The following RPS6KC1 variants were observed in gnomAD, a reference collection of about 807,000 sequenced individuals.
RPS6KC1 encodes ribosomal protein S6 kinase C1.
Under a neutral mutation model 103.8 loss-of-function variants are expected in RPS6KC1, and 54 were observed. That is an observed-to-expected ratio of 0.52 (90% CI 0.42 to 0.65). The LOEUF (loss-of-function observed/expected upper bound fraction) is 0.65, where lower values mean the gene tolerates loss of function less well. Among genes scored for constraint, RPS6KC1 ranks in the 30% least tolerant of loss-of-function variants. RPS6KC1 has a pLI of 0.00. For missense variants in RPS6KC1, 1,151 were observed against 1,253.8 expected (o/e 0.92, Z 1.24); for synonymous variants, 439 against 438.7 (o/e 1.00, Z -0.01).
At chr1:213,476,139 C>T in the RPS6KC1 span, among the ~76,000 whole-genome samples, 1 of 152,124 alleles carries the variant, frequency 6.6e-6, no homozygotes, top group Admixed American at 6.5e-5. Flanking sequence ...AGAAGCAGAC[C>T]TCACTTTCTG....
At chr1:213,095,878 C>T (rs1403719871) in intron 3 of RPS6KC1, among the ~76,000 whole-genome samples, 1 of 152,206 alleles carries the variant, frequency 6.6e-6, no homozygotes, top group Non-Finnish European at 1.5e-5. Flanking sequence ...CGTCTTGTCT[C>T]CATGTTGATG....
chr1:213,236,228 A>G (rs1017414047), intron 10 of RPS6KC1, among the ~76,000 whole-genome samples: 5 of 152,320 alleles, frequency 3.3e-5, no homozygotes, highest in Middle Eastern at 3.4e-3. Flanking sequence ...ATTGTCTTCC[A>G]TGAAACTGGT....
chr1:213,830,604 T>C, the RPS6KC1 span, among the ~76,000 whole-genome samples: 3 of 149,988 alleles, frequency 2.0e-5, no homozygotes, highest in Admixed American at 2.0e-4. Context: ...ACGGCCATGG[T>C]GAAAAGTTTG....
the RPS6KC1 span, among the ~76,000 whole-genome samples, chr1:213,591,271 G>A: frequency 6.6e-6 from 1 of 152,138 alleles, no homozygotes. Flanking sequence ...GAAGGCCAGG[G>A]TCAATTCCCC....
At chr1:213,447,590 A>G in the RPS6KC1 span, among the ~76,000 whole-genome samples, 2 of 152,204 alleles carry the variant, frequency 1.3e-5, no homozygotes, top group Non-Finnish European at 2.9e-5. Flanking sequence ...CCATAACTAC[A>G]TATGGCTGGT....
Position 213,264,209 on chromosome 1 carries a change from G to A in RPS6KC1, c.3090+1393G>A, listed in dbSNP as rs533008757. ...TAAACAGTTTAGAGTTGTACTTCAG[G>A]AAGATTAATTTGCCCAGAGTATGCA... On this transcript the variant is annotated intron_variant, in intron 14 of 14. Transcript: ENST00000366960. 2.0e-5 allele frequency among the ~76,000 whole-genome samples: 3 copies of A among 152,202 alleles called. No individual in the cohort carries two copies. The East Asian group carries it at 5.8e-4, about 29-fold the overall frequency.
At chr1:213,579,725 A>G in the RPS6KC1 span, among the ~76,000 whole-genome samples, 3 of 151,984 alleles carry the variant, frequency 2.0e-5, no homozygotes, top group Non-Finnish European at 4.4e-5. Flanking sequence ...CCATTCCAAA[A>G]ATTCTAGAGC....
chr1:213,638,414 T>A, the RPS6KC1 span, among the ~76,000 whole-genome samples: 1 of 152,120 alleles, frequency 6.6e-6, no homozygotes, highest in Non-Finnish European at 1.5e-5. Flanking sequence ...TTAGTTTTCA[T>A]GTCTAGGAGG....
the RPS6KC1 span, among the ~76,000 whole-genome samples, chr1:213,696,657 C>T: frequency 6.6e-6 from 1 of 152,112 alleles, no homozygotes; most frequent in Non-Finnish European, 1.5e-5. Context: ...CCTCTTAATT[C>T]CATATTTTCA....
At position 213,273,138 on chromosome 1, in the gene RPS6KC1, A is replaced by G. The variant is rs2095081415; in HGVS notation, c.*504A>G. On this transcript the variant is annotated 3_prime_UTR_variant, in exon 15 of 15. Transcript: ENST00000366960. ...AAAAAGAATATACACATAATTTCTG[A>G]CGGAAAACCTGTACCCTGATGCTGT... 1.3e-5 allele frequency: 2 copies of G among 155,698 alleles called. No individual in the cohort carries two copies. Among genetic ancestry groups the G allele is most frequent in the Non-Finnish European group, 2.9e-5 (2 of 69,768 alleles). 9.6% of individuals were successfully genotyped at this position (155,698 alleles called of 1,614,324 possible).
the RPS6KC1 span, among the ~76,000 whole-genome samples, chr1:213,341,122 T>C: frequency 1.3e-5 from 2 of 152,358 alleles, no homozygotes; most frequent in African/African-American, 4.8e-5. Context: ...TAACCGGCCA[T>C]AGTTTGTCTT....
intron 1 of RPS6KC1, 128 bp downstream of exon 1, chr1:213,051,637 G>A (rs893688272): frequency 5.4e-5 from 36 of 661,000 alleles, no homozygotes; most frequent in Non-Finnish European, 8.5e-5. Flanking sequence ...GCTCCTACTG[G>A]CGGGACTTGG....
the RPS6KC1 span, among the ~76,000 whole-genome samples, chr1:213,388,153 T>C: frequency 6.6e-6 from 1 of 152,218 alleles, no homozygotes; most frequent in African/African-American, 2.4e-5. Context: ...CTACTTGAAT[T>C]CACTGATCTC....
Position 213,077,932 on chromosome 1 carries a change from A to T in RPS6KC1, c.262+116A>T, listed in dbSNP as rs1206960566. 6 of 493,250 alleles carry T rather than the reference A, an allele frequency of 1.2e-5. No individual in the cohort carries two copies. The East Asian group carries it at 2.2e-4, about 18-fold the overall frequency. 30.6% of individuals were successfully genotyped at this position (493,250 alleles called of 1,614,324 possible). On this transcript the variant is annotated intron_variant, in intron 3 of 14. Transcript: ENST00000366960. The stretch of plus-strand genomic sequence containing the variant: ...GCCCTTTTACTTATTGAGATAATTC[A>T]TATTGTTCAACAGCACTTGAAATTG...
chr1:213,858,574 G>A, the RPS6KC1 span, among the ~76,000 whole-genome samples: 4 of 152,222 alleles, frequency 2.6e-5, no homozygotes, highest in African/African-American at 9.6e-5. Flanking sequence ...CAGAGCAAAG[G>A]ACATGATCCC....
the RPS6KC1 span, among the ~76,000 whole-genome samples, chr1:213,555,382 A>G: frequency 3.3e-5 from 5 of 152,334 alleles, no homozygotes; most frequent in South Asian, 8.3e-4. Context: ...TCTGTTGAAA[A>G]TGTATTCCTG....
chr1:213,755,160 G>C, the RPS6KC1 span, among the ~76,000 whole-genome samples: 1 of 152,200 alleles, frequency 6.6e-6, no homozygotes, highest in African/African-American at 2.4e-5. Context: ...GGGAGAGCTT[G>C]AATGTGGGGC....
At chr1:213,627,357 G>T in the RPS6KC1 span, among the ~76,000 whole-genome samples, 1 of 152,282 alleles carries the variant, frequency 6.6e-6, no homozygotes, top group African/African-American at 2.4e-5. Context: ...ATACAATCAT[G>T]TCATCTGCAA....
chr1:213,854,051 A>T, the RPS6KC1 span, among the ~76,000 whole-genome samples: 20 of 152,246 alleles, frequency 1.3e-4, no homozygotes, highest in African/African-American at 4.8e-4. Flanking sequence ...AGTGAAATTG[A>T]AAAAGAAGGG....
Sources: allele counts gnomAD v4.1 joint callset (sites outside exome capture counted in the v4.1 genomes callset), GRCh38; gene constraint gnomAD v4.1.1; transcripts MANE v1.5; gene names NCBI Gene and HGNC (gene_info 2026-07-23, HGNC 2026-07-21).